The following SLC16A7 variants were observed in gnomAD, a reference collection of about 807,000 sequenced individuals.
The protein encoded by SLC16A7 is monocarboxylate transporter 2.
SLC16A7 carries 33 observed loss-of-function variants against 34.9 expected under a neutral mutation model. The ratio of observed to expected loss-of-function variants is 0.94; its 90% confidence interval spans 0.72 to 1.26. SLC16A7 has a LOEUF of 1.26. Ranked by LOEUF, SLC16A7 falls within the 50% of genes most tolerant of loss-of-function variation. The pLI is 0.00. For missense variants in SLC16A7, 573 were observed against 578.1 expected, an observed-to-expected ratio of 0.99 and a Z score of 0.09; for synonymous variants, 201 against 206.6, an observed-to-expected ratio of 0.97 and a Z score of 0.23.
intron 3 of SLC16A7, among the ~76,000 whole-genome samples, chr12:59,753,445 G>T (rs1879859008): frequency 1.3e-5 from 2 of 152,010 alleles, no homozygotes; most frequent in African/African-American, 4.8e-5. Flanking sequence ...AAAAAGGCAG[G>T]GGTTGCATTC....
chr12:59,650,906 C>G (rs1377943817), intron 1 of SLC16A7, among the ~76,000 whole-genome samples: 1 of 152,110 alleles, frequency 6.6e-6, no homozygotes, highest in East Asian at 1.9e-4. Flanking sequence ...GCTAAAAGCT[C>G]TAGTGTACTA....
intron 3 of SLC16A7, among the ~76,000 whole-genome samples, chr12:59,728,841 T>C (rs970761836): frequency 1.3e-4 from 20 of 152,264 alleles, no homozygotes; most frequent in African/African-American, 4.8e-4. Context: ...TACACTTTTA[T>C]ACTTTGTAGC....
chr12:59,767,883 A>C (rs1291411062), intron 3 of SLC16A7, among the ~76,000 whole-genome samples: 1 of 149,152 alleles, frequency 6.7e-6, no homozygotes, highest in Non-Finnish European at 1.5e-5. Context: ...CATAGGTGGG[A>C]ATTGAACAAT....
chr12:59,716,814 C>T (rs1309284282), intron 3 of SLC16A7, among the ~76,000 whole-genome samples: 1 of 152,060 alleles, frequency 6.6e-6, no homozygotes, highest in South Asian at 2.1e-4. Flanking sequence ...CCACTTCACT[C>T]CAGCCTGGAC....
At chr12:59,739,865 TC>T (rs1259618707) in intron 3 of SLC16A7, among the ~76,000 whole-genome samples, 7 of 152,268 alleles carry the variant, frequency 4.6e-5, no homozygotes, top group Non-Finnish European at 7.3e-5. Context: ...TCTGTTCATG[TC>T]CTTCACCCAC....
chr12:59,714,249 A>G (rs1374732742), intron 3 of SLC16A7, among the ~76,000 whole-genome samples: 1 of 152,220 alleles, frequency 6.6e-6, no homozygotes, highest in Non-Finnish European at 1.5e-5. Flanking sequence ...TCTAAAACCT[A>G]CTGGAAATGA....
At chr12:59,681,916 T>C (rs1313717409) in intron 2 of SLC16A7, among the ~76,000 whole-genome samples, 1 of 151,830 alleles carries the variant, frequency 6.6e-6, no homozygotes, top group African/African-American at 2.4e-5. Context: ...GGGACCAGCT[T>C]AGAGCCAATT....
Position 59,720,200 on chromosome 12 carries a change from GT to G in SLC16A7, c.217+15184del, listed in dbSNP as rs369790273. 6 of 629,784 alleles carry G rather than the reference GT, an allele frequency of 9.5e-6. No homozygotes were observed. The African/African-American group carries it at 1.1e-4, about 12-fold the overall frequency. The allele number at this position is 629,784 out of a possible 1,614,324, so 39.0% of individuals were successfully genotyped here. A position where few individuals can be genotyped will look rare whatever the true frequency, so the allele number is the denominator to read the frequency against. On this transcript the variant is annotated intron_variant, in intron 3 of 5. Transcript: ENST00000547379. ...TTGTTCCAGTTTGGAATCTTCCTAA[GT>G]TATTGTTAATTGTTACTTATGTATT...
chr12:59,714,041 T>C (rs766488960), intron 3 of SLC16A7, among the ~76,000 whole-genome samples: 21 of 152,192 alleles, frequency 1.4e-4, no homozygotes, highest in Admixed American at 4.6e-4. Flanking sequence ...GATCTCATAA[T>C]TGAGTGATCA....
intron 1 of SLC16A7, among the ~76,000 whole-genome samples, chr12:59,610,547 G>C (rs1314887591): frequency 6.6e-6 from 1 of 151,994 alleles, no homozygotes; most frequent in East Asian, 1.9e-4. Flanking sequence ...ACTTTAATGA[G>C]AATGACTACT....
At chr12:59,621,300 C>G (rs908231721) in intron 1 of SLC16A7, among the ~76,000 whole-genome samples, 2 of 151,824 alleles carry the variant, frequency 1.3e-5, no homozygotes, top group African/African-American at 4.8e-5. Context: ...ATAGAGCAGT[C>G]CTTGAACCCC....
intron 2 of SLC16A7, among the ~76,000 whole-genome samples, chr12:59,681,896 A>G (rs1324903274): frequency 1.3e-5 from 2 of 152,050 alleles, no homozygotes; most frequent in South Asian, 2.1e-4. Flanking sequence ...GTCTATTTCT[A>G]TCACCTGTAG....
intron 1 of SLC16A7, among the ~76,000 whole-genome samples, chr12:59,633,817 C>T (rs1880298617): frequency 6.6e-6 from 1 of 151,892 alleles, no homozygotes. Flanking sequence ...CCTGAAAAGT[C>T]ACTTACTATC....
chr12:59,665,896 A>T (rs1457061147), intron 2 of SLC16A7, among the ~76,000 whole-genome samples: 3 of 150,862 alleles, frequency 2.0e-5, no homozygotes, highest in Admixed American at 6.6e-5. Context: ...TGTTATCTTT[A>T]TTCGGCAAGT....
rs1883449965 is a variant in SLC16A7 at position 59,784,123 on chromosome 12, A to AT, written c.*4450dup. The AT allele has an allele frequency of 6.6e-6, 1 of 152,094 alleles. No homozygotes were observed. The highest frequency in any genetic ancestry group is 6.6e-5 in the Admixed American group (1 of 15,262). The allele number at this position is 152,094 out of a possible 1,614,324, so 9.4% of individuals were successfully genotyped here. A position where few individuals can be genotyped will look rare whatever the true frequency, so the allele number is the denominator to read the frequency against. On this transcript the variant is annotated 3_prime_UTR_variant, in exon 6 of 6. Coordinates refer to ENST00000547379, the MANE Select transcript of SLC16A7 (RefSeq NM_001270623.2). ...GACATATTTGAGTCAGGCATAATACATTTTTTCTGAGGTTGGAGTTAGCAG... is the reference window on the plus strand; with the variant it reads ...GACATATTTGAGTCAGGCATAATACATTTTTTTCTGAGGTTGGAGTTAGCAG...
intron 3 of SLC16A7, among the ~76,000 whole-genome samples, chr12:59,726,536 C>T (rs1396589698): frequency 1.3e-5 from 2 of 152,046 alleles, no homozygotes; most frequent in Non-Finnish European, 2.9e-5. Flanking sequence ...TCTTACTGCT[C>T]TTGGATATTG....
chr12:59,741,565 G>C (rs994672865), intron 3 of SLC16A7, among the ~76,000 whole-genome samples: 1 of 152,156 alleles, frequency 6.6e-6, no homozygotes. Context: ...GCAAGTTATC[G>C]TAGGGATAGC....
At chr12:59,616,446 T>G (rs964898040) in intron 1 of SLC16A7, among the ~76,000 whole-genome samples, 2 of 152,200 alleles carry the variant, frequency 1.3e-5, no homozygotes, top group African/African-American at 4.8e-5. Flanking sequence ...GTTCTTATGT[T>G]TTTCTGCATT....
chr12:59,681,258 A>G (rs1269946208), intron 2 of SLC16A7, among the ~76,000 whole-genome samples: 1 of 152,234 alleles, frequency 6.6e-6, no homozygotes, highest in Non-Finnish European at 1.5e-5. Context: ...AGACAAGTGT[A>G]TGTACCATGT....
Sources: gnomAD v4.1 joint callset for allele counts (sites outside exome capture counted in the v4.1 genomes callset) on GRCh38, gnomAD v4.1.1 for gene constraint, MANE v1.5 for transcripts, NCBI Gene and HGNC (gene_info 2026-07-23, HGNC 2026-07-21) for gene names.